PTPRG: variants seen among roughly 807,000 people sequenced by gnomAD.
The protein encoded by PTPRG is receptor-type tyrosine-protein phosphatase gamma.
In PTPRG, 102 loss-of-function variants were observed where a neutral mutation model predicts 165.3. The ratio of observed to expected loss-of-function variants is 0.62; its 90% confidence interval spans 0.53 to 0.73. PTPRG has a LOEUF of 0.73. Among genes scored for constraint, PTPRG ranks in the 30% least tolerant of loss-of-function variants. The pLI, the probability that PTPRG is intolerant of heterozygous loss-of-function variation, is 0.00. For synonymous variants in PTPRG, 675 were observed against 669.5 expected (o/e 1.01, Z -0.13); for missense variants, 1,866 against 1,861.4 (o/e 1.00, Z -0.05).
At chr3:62,169,957 T>C (rs932450625) in intron 8 of PTPRG, among the ~76,000 whole-genome samples, 1 of 152,214 alleles carries the variant, frequency 6.6e-6, no homozygotes, top group African/African-American at 2.4e-5. Context: ...GAGCCCATTT[T>C]CTAGGCTCAT....
At chr3:62,036,983 G>GCGCACACACACACACACACACACACA (rs145992725) in intron 4 of PTPRG, among the ~76,000 whole-genome samples, 2 of 150,562 alleles carry the variant, frequency 1.3e-5, no homozygotes, top group South Asian at 4.2e-4. Context: ...GCGCGCGCAC[G>GCGCACACACACACACACACACACACA]CACACACACA....
chr3:62,116,663 C>G (rs1319890626), intron 5 of PTPRG, among the ~76,000 whole-genome samples: 1 of 152,128 alleles, frequency 6.6e-6, no homozygotes, highest in African/African-American at 2.4e-5. Flanking sequence ...TTTTTGTCTT[C>G]ATCTGGCTGA....
intron 2 of PTPRG, among the ~76,000 whole-genome samples, chr3:61,875,952 T>C (rs2037727853): frequency 6.6e-6 from 1 of 152,190 alleles, no homozygotes; most frequent in Admixed American, 6.5e-5. Context: ...ATCTAGTCTC[T>C]ACTTTTGAAA....
At chr3:62,185,335 A>G (rs780256317) in intron 8 of PTPRG, among the ~76,000 whole-genome samples, 1 of 152,196 alleles carries the variant, frequency 6.6e-6, no homozygotes, top group African/African-American at 2.4e-5. Flanking sequence ...CACCTCCCGC[A>G]TGGTTAAAAG....
chr3:62,161,278 A>G (rs1480088082), intron 7 of PTPRG, among the ~76,000 whole-genome samples: 1 of 152,180 alleles, frequency 6.6e-6, no homozygotes, highest in Non-Finnish European at 1.5e-5. Context: ...ACCAGCCTTT[A>G]AAGCAGGACT....
intron 2 of PTPRG, among the ~76,000 whole-genome samples, chr3:61,777,785 A>G (rs2034429997): frequency 6.6e-6 from 1 of 152,210 alleles, no homozygotes; most frequent in South Asian, 2.1e-4. Flanking sequence ...GTTTCTAGAT[A>G]ACGTGAAACA....
At position 62,184,807 on chromosome 3, in the gene PTPRG, G is replaced by A. The variant is rs144228495; in HGVS notation, c.1034-6662G>A. ...CACTGTGAAATAGTGAATCTGCACCGAATTGGTTTGTTTGAGTAGTAGTAC... is the reference window on the plus strand; with the variant it reads ...CACTGTGAAATAGTGAATCTGCACCAAATTGGTTTGTTTGAGTAGTAGTAC... On this transcript the variant is annotated intron_variant, in intron 8 of 29. Coordinates refer to ENST00000474889, the MANE Select transcript of PTPRG (RefSeq NM_002841.4). 4.1e-4 allele frequency among the ~76,000 whole-genome samples: 63 copies of A among 152,316 alleles called. No homozygotes were observed. In the East Asian group the frequency reaches 0.011, roughly 27 times the overall value.
At chr3:62,289,885 C>CAACACAGTAAAAGCAGAAGATAGAAGAA (rs1366291397) in intron 28 of PTPRG, among the ~76,000 whole-genome samples, 1 of 151,736 alleles carries the variant, frequency 6.6e-6, no homozygotes, top group Non-Finnish European at 1.5e-5. Flanking sequence ...AGGTGCTAGC[C>CAACACAGTAAAAGCAGAAGATAGAAGAA]AACACAGTAA....
chr3:61,894,500 G>T (rs2038299401), intron 2 of PTPRG, among the ~76,000 whole-genome samples: 2 of 151,810 alleles, frequency 1.3e-5, no homozygotes, highest in South Asian at 4.2e-4. Flanking sequence ...TTTATTTTTG[G>T]GATCCATGCT....
intron 4 of PTPRG, among the ~76,000 whole-genome samples, chr3:62,062,234 G>A (rs201449861): frequency 1.3e-5 from 2 of 151,368 alleles, no homozygotes; most frequent in South Asian, 2.1e-4. Context: ...GGGAGGTGGA[G>A]GTTGCTGTGA....
intron 5 of PTPRG, among the ~76,000 whole-genome samples, chr3:62,089,428 C>T (rs1034543521): frequency 2.6e-5 from 4 of 152,112 alleles, no homozygotes; most frequent in African/African-American, 9.7e-5. Flanking sequence ...TGATATTTTT[C>T]AAGAATGCAA....
chr3:61,890,323 C>A (rs2038173811), intron 2 of PTPRG, among the ~76,000 whole-genome samples: 1 of 150,710 alleles, frequency 6.6e-6, no homozygotes, highest in Non-Finnish European at 1.5e-5. Flanking sequence ...GTATCTTAGT[C>A]TGTTTGATTA....
chr3:61,745,394 G>T (rs979780165), intron 1 of PTPRG, among the ~76,000 whole-genome samples: 1 of 152,154 alleles, frequency 6.6e-6, no homozygotes, highest in Non-Finnish European at 1.5e-5. Context: ...GATTTCCATT[G>T]TGAGTGGTAG....
intron 2 of PTPRG, among the ~76,000 whole-genome samples, chr3:61,759,441 G>C (rs2033756012): frequency 6.6e-6 from 1 of 151,868 alleles, no homozygotes; most frequent in African/African-American, 2.4e-5. Flanking sequence ...GATCACTTGA[G>C]CCGAGGAGTT....
intron 2 of PTPRG, among the ~76,000 whole-genome samples, chr3:61,984,627 A>G (rs750910838): frequency 1.3e-5 from 2 of 152,230 alleles, no homozygotes; most frequent in Non-Finnish European, 2.9e-5. Context: ...CAGAGTAGCC[A>G]CAAAAGAATG....
intron 2 of PTPRG, among the ~76,000 whole-genome samples, chr3:61,921,138 T>TCCTG (rs1314173796): frequency 3.3e-5 from 5 of 151,494 alleles, no homozygotes; most frequent in Non-Finnish European, 1.5e-5. Flanking sequence ...CTTCCTTCCT[T>TCCTG]CCTTCCTTCC....
intron 16 of PTPRG, among the ~76,000 whole-genome samples, chr3:62,259,381 A>G (rs1701627063): frequency 6.6e-6 from 1 of 152,044 alleles, no homozygotes; most frequent in African/African-American, 2.4e-5. Context: ...AAATACACTA[A>G]TGAGAGCTGA....
At chr3:61,941,410 G>A (rs1456531143) in intron 2 of PTPRG, among the ~76,000 whole-genome samples, 1 of 152,078 alleles carries the variant, frequency 6.6e-6, no homozygotes, top group African/African-American at 2.4e-5. Context: ...AGATCATGAG[G>A]TTAGGAGATC....
At chr3:61,917,309 A>G (rs1241372220) in intron 2 of PTPRG, among the ~76,000 whole-genome samples, 2 of 152,178 alleles carry the variant, frequency 1.3e-5, no homozygotes, top group Non-Finnish European at 2.9e-5. Flanking sequence ...AAATTGGCTC[A>G]TTGCAGACAA....
Sources: allele counts gnomAD v4.1 joint callset (sites outside exome capture counted in the v4.1 genomes callset), GRCh38; gene constraint gnomAD v4.1.1; transcripts MANE v1.5; gene names NCBI Gene and HGNC (gene_info 2026-07-23, HGNC 2026-07-21).